The following C8orf34 variants were observed in gnomAD, a reference collection of about 807,000 sequenced individuals.
C8orf34 encodes chromosome 8 open reading frame 34, also known as uncharacterized protein C8orf34.
C8orf34 carries 65 observed loss-of-function variants against 68.3 expected under a neutral mutation model. The ratio of observed to expected loss-of-function variants is 0.95; its 90% CI spans 0.78 to 1.17. The LOEUF (loss-of-function observed/expected upper bound fraction) is 1.17, where lower values mean the gene tolerates loss of function less well. C8orf34 is among the 50% of genes most tolerant of loss of function. The pLI is 0.00. For missense variants in C8orf34, 664 were observed against 655.4 expected, an observed-to-expected ratio of 1.01 and a Z score of -0.14; for synonymous variants, 244 against 241.2, an observed-to-expected ratio of 1.01 and a Z score of -0.11.
At chr8:68,684,541 T>C (rs1444745411) in intron 8 of C8orf34, among the ~76,000 whole-genome samples, 2 of 152,182 alleles carry the variant, frequency 1.3e-5, no homozygotes, top group Non-Finnish European at 2.9e-5. Flanking sequence ...ATTACATCTT[T>C]CTAAACTTTT....
At chr8:68,471,446 G>A (rs1008549668) in intron 4 of C8orf34, among the ~76,000 whole-genome samples, 1 of 152,102 alleles carries the variant, frequency 6.6e-6, no homozygotes, top group African/African-American at 2.4e-5. Flanking sequence ...TTTACTGTTT[G>A]CTGATGATTG....
chr8:68,390,513 C>T (rs1808437462), intron 1 of C8orf34, among the ~76,000 whole-genome samples: 1 of 152,068 alleles, frequency 6.6e-6, no homozygotes, highest in South Asian at 2.1e-4. Flanking sequence ...GTTTATGTAT[C>T]ACATACAATT....
At chr8:68,607,861 G>T (rs539548011) in intron 7 of C8orf34, among the ~76,000 whole-genome samples, 1 of 152,116 alleles carries the variant, frequency 6.6e-6, no homozygotes, top group South Asian at 2.1e-4. Flanking sequence ...TTTGGCAAAG[G>T]TCATAGCTAA....
chr8:68,795,324 CTT>C (rs59226472), intron 12 of C8orf34, among the ~76,000 whole-genome samples: 18,339 of 127,300 alleles, frequency 0.14, 1,569 homozygotes, highest in East Asian at 0.48. Context: ...TTATTGACTG[CTT>C]TTTTTTTTTT....
intron 8 of C8orf34, among the ~76,000 whole-genome samples, chr8:68,679,423 A>C (rs1820296629): frequency 6.6e-6 from 1 of 152,180 alleles, no homozygotes; most frequent in Non-Finnish European, 1.5e-5. Flanking sequence ...AAAAAAATTT[A>C]AGAGGACACA....
intron 8 of C8orf34, among the ~76,000 whole-genome samples, chr8:68,683,960 C>T (rs1015572040): frequency 2.0e-5 from 3 of 152,098 alleles, no homozygotes. Flanking sequence ...CAAAACTCTT[C>T]TCAAGATAGG....
chr8:68,610,872 T>TTTTG (rs1554584913), intron 7 of C8orf34, among the ~76,000 whole-genome samples: 1 of 150,526 alleles, frequency 6.6e-6, no homozygotes, highest in African/African-American at 2.5e-5. Context: ...TTTTTTTTTT[T>TTTTG]TTTTTTTTTG....
chr8:68,347,615 C>T (rs1001623103), intron 1 of C8orf34, among the ~76,000 whole-genome samples: 4 of 152,102 alleles, frequency 2.6e-5, no homozygotes, highest in Admixed American at 1.3e-4. Context: ...ACAACCTCAC[C>T]AGCATCTGTT....
In C8orf34 at chr8:68,389,031, G is replaced by A. The variant is rs564915285; in HGVS notation, c.328-50468G>A. Among the ~76,000 whole-genome samples, 51 of 152,238 alleles carry A rather than the reference G, an allele frequency of 3.4e-4. No individual in the cohort carries two copies. In the East Asian group the frequency reaches 9.5e-3, roughly 28 times the overall value. On this transcript the variant is annotated intron_variant, in intron 1 of 13. Coordinates refer to ENST00000518698, the MANE Select transcript of C8orf34 (RefSeq NM_052958.4). ...TGCAAAAATATGGATTACAAGGTAT[G>A]CTACCCAGGAAGTATTCAGTGAATT...
At chr8:68,730,650 A>T (rs1010360907) in intron 10 of C8orf34, among the ~76,000 whole-genome samples, 1 of 152,166 alleles carries the variant, frequency 6.6e-6, no homozygotes, top group Non-Finnish European at 1.5e-5. Flanking sequence ...AACATTGATT[A>T]TGGTTTTGGT....
rs138482341 is a variant in C8orf34 at position 68,815,908 on chromosome 8, C to A, written c.1572C>A (p.Cys524Ter). 1.2e-6 allele frequency: 2 copies of A among 1,613,778 alleles called. No individual in the cohort carries two copies. The highest frequency in any genetic ancestry group is 8.5e-7 in the Non-Finnish European group (1 of 1,179,790). ...QEKRSADLLLCVPCSSCPTLV... is the reference protein window; with the variant it reads ...QEKRSADLLL ...CAGGTTCCGCTGATCTTCTTCTTTG[C>A]GTTCCATGCTCTTCTTGTCCTACGC... Residue 524 changes from cysteine (C) to a stop codon, truncating the protein, a stop_gained, in exon 13 of 14, where the codon TGC (cysteine) becomes TGA (stop). Coordinates refer to ENST00000518698, the MANE Select transcript of C8orf34 (RefSeq NM_052958.4). LOFTEE classifies it high-confidence loss of function.
chr8:68,732,407 A>G (rs1222762807), intron 10 of C8orf34, among the ~76,000 whole-genome samples: 2 of 152,138 alleles, frequency 1.3e-5, no homozygotes, highest in Admixed American at 6.5e-5. Context: ...AATAATTTTT[A>G]CATATATTTA....
chr8:68,611,304 C>T (rs1287344121), intron 7 of C8orf34, among the ~76,000 whole-genome samples: 1 of 152,146 alleles, frequency 6.6e-6, no homozygotes, highest in African/African-American at 2.4e-5. Flanking sequence ...TTACATGAAA[C>T]ATAGGACTGA....
intron 1 of C8orf34, among the ~76,000 whole-genome samples, chr8:68,421,741 G>T (rs757348536): frequency 6.6e-6 from 1 of 152,124 alleles, no homozygotes; most frequent in Non-Finnish European, 1.5e-5. Flanking sequence ...CAGAAGCAAA[G>T]ACCTGTTGTA....
chr8:68,810,408 C>T (rs1824610972), intron 12 of C8orf34, among the ~76,000 whole-genome samples: 1 of 152,092 alleles, frequency 6.6e-6, no homozygotes, highest in African/African-American at 2.4e-5. Flanking sequence ...CTTGGAGATG[C>T]CAGGAACCAC....
intron 7 of C8orf34, among the ~76,000 whole-genome samples, chr8:68,588,922 C>T (rs1461192818): frequency 6.6e-6 from 1 of 152,066 alleles, no homozygotes; most frequent in East Asian, 1.9e-4. Context: ...ACTCCTCAAC[C>T]CTGTTACTAT....
At chr8:68,707,547 T>C (rs1438278774) in intron 8 of C8orf34, among the ~76,000 whole-genome samples, 1 of 152,150 alleles carries the variant, frequency 6.6e-6, no homozygotes, top group Non-Finnish European at 1.5e-5. Context: ...CTGTCTTTGT[T>C]GGAGATTTAT....
chr8:68,331,467 C>A, intron 1 of C8orf34, 128 bp downstream of exon 1: 2 of 1,058,166 alleles, frequency 1.9e-6, no homozygotes, highest in Admixed American at 2.0e-5. Flanking sequence ...CGGGAGAGGG[C>A]GCCCTGGGAT....
intron 7 of C8orf34, among the ~76,000 whole-genome samples, chr8:68,581,547 C>G (rs929505623): frequency 3.3e-5 from 5 of 152,066 alleles, no homozygotes; most frequent in African/African-American, 1.2e-4. Flanking sequence ...TGAGTGCTAA[C>G]AAAAATTATT....
Sources: allele counts gnomAD v4.1 joint callset (sites outside exome capture counted in the v4.1 genomes callset), GRCh38; gene constraint gnomAD v4.1.1; transcripts MANE v1.5; gene names NCBI Gene and HGNC (gene_info 2026-07-23, HGNC 2026-07-21).